Variants in ARHGAP24 observed in about 807,000 individuals in gnomAD.
The protein encoded by ARHGAP24 is Rho GTPase activating protein 24.
ARHGAP24 carries 50 observed loss-of-function variants against 76.4 expected under a neutral mutation model. The ratio of observed to expected loss-of-function variants is 0.65; its 90% CI spans 0.52 to 0.83. The LOEUF is 0.83. ARHGAP24 is among the 40% of genes least tolerant of loss of function. ARHGAP24 has a pLI of 0.00. For synonymous variants in ARHGAP24, 345 were observed against 323.3 expected (o/e 1.07, Z -0.72); for missense variants, 930 against 914.2 (o/e 1.02, Z -0.22).
chr4:85,764,508 T>C (rs2110075085), intron 3 of ARHGAP24, among the ~76,000 whole-genome samples: 1 of 152,316 alleles, frequency 6.6e-6, no homozygotes, highest in East Asian at 1.9e-4. Flanking sequence ...ACAGGTTTGA[T>C]GCAGCTCTTT....
chr4:85,832,456 G>T (rs1023823715), intron 3 of ARHGAP24, among the ~76,000 whole-genome samples: 1 of 152,168 alleles, frequency 6.6e-6, no homozygotes, highest in African/African-American at 2.4e-5. Flanking sequence ...GGCCCACAAG[G>T]CCTCAGATGA....
intron 2 of ARHGAP24, among the ~76,000 whole-genome samples, chr4:85,643,891 G>A (rs2109973330): frequency 6.6e-6 from 1 of 152,254 alleles, no homozygotes; most frequent in South Asian, 2.1e-4. Flanking sequence ...GTAAGTCCAG[G>A]AAAGATTAGC....
rs537018164 is a variant in ARHGAP24 at position 85,535,742 on chromosome 4, A to G, written c.-20-34780A>G. Among the ~76,000 whole-genome samples, 13 of 152,284 alleles carry G rather than the reference A, an allele frequency of 8.5e-5. No individual in the cohort carries two copies. In the South Asian group the frequency reaches 1.0e-3, roughly 12 times the overall value. On this transcript the variant is annotated intron_variant, in intron 1 of 9. Transcript: ENST00000395184. ...GTGGTTTTGTTGTATATAGATGTGT[A>G]TGTATGTCTATGAATATGTCTCCCC...
At chr4:85,649,500 C>T (rs1721853847) in intron 2 of ARHGAP24, among the ~76,000 whole-genome samples, 1 of 152,050 alleles carries the variant, frequency 6.6e-6, no homozygotes, top group Admixed American at 6.6e-5. Flanking sequence ...TCATTAACGG[C>T]TTGATATTCT....
rs1207046244 is a variant in ARHGAP24 at position 86,002,210 on chromosome 4, TTATTTATTTTCAAGAGGGAAAGTGGTCTG to T, written c.*1491_*1519del. On this transcript the variant is annotated 3_prime_UTR_variant, in exon 10 of 10. Coordinates refer to ENST00000395184, the MANE Select transcript of ARHGAP24 (RefSeq NM_001025616.3). The stretch of plus-strand genomic sequence containing the variant: ...TTGAAGGTTCAATGCTTGCATGTGT[TTATTTATTTTCAAGAGGGAAAGTGGTCTG>T]TACTGCTTTCATCCTTGCCACTGTC... The T allele has an allele frequency of 8.6e-5, 13 of 151,804 alleles. No individual in the cohort carries two copies. Among genetic ancestry groups the T allele is most frequent in the Admixed American group, 6.5e-4 (10 of 15,286 alleles). The allele number at this position is 151,804 out of a possible 1,614,324, so 9.4% of individuals were successfully genotyped here. A position where few individuals can be genotyped will look rare whatever the true frequency, so the allele number is the denominator to read the frequency against.
At chr4:85,990,566 T>G (rs529393596) in intron 8 of ARHGAP24, 4 of 151,872 alleles carry the variant, frequency 2.6e-5, no homozygotes, top group Non-Finnish European at 4.4e-5. Flanking sequence ...AAGTGTGCTA[T>G]TGATATAAAG....
intron 4 of ARHGAP24, 91 bp from the exon 5 acceptor site, chr4:85,941,975 T>C: frequency 7.6e-7 from 1 of 1,320,678 alleles, no homozygotes; most frequent in South Asian, 1.3e-5. Flanking sequence ...TTCCAATCTT[T>C]GTTTTTCTGT....
intron 2 of ARHGAP24, among the ~76,000 whole-genome samples, chr4:85,575,111 A>G (rs1210749502): frequency 6.6e-6 from 1 of 152,126 alleles, no homozygotes; most frequent in Non-Finnish European, 1.5e-5. Context: ...CAAACTAAAC[A>G]TCCTCATTAT....
chr4:85,494,220 A>G (rs904307358), intron 1 of ARHGAP24, among the ~76,000 whole-genome samples: 2 of 152,088 alleles, frequency 1.3e-5, no homozygotes, highest in Admixed American at 6.5e-5. Flanking sequence ...ACATACGTAT[A>G]CATGTGCCAT....
At chr4:85,528,137 A>G (rs1387273087) in intron 1 of ARHGAP24, among the ~76,000 whole-genome samples, 1 of 152,074 alleles carries the variant, frequency 6.6e-6, no homozygotes, top group Non-Finnish European at 1.5e-5. Flanking sequence ...CTGAAATAGA[A>G]AGGGAAGAGA....
chr4:85,505,627 C>T (rs1724012457), intron 1 of ARHGAP24, among the ~76,000 whole-genome samples: 1 of 151,972 alleles, frequency 6.6e-6, no homozygotes, highest in African/African-American at 2.4e-5. Context: ...TTTGTCTAAC[C>T]TTCTTTCAAG....
chr4:85,483,036 T>C (rs1456588865), intron 1 of ARHGAP24, among the ~76,000 whole-genome samples: 1 of 152,172 alleles, frequency 6.6e-6, no homozygotes, highest in Non-Finnish European at 1.5e-5. Context: ...CCTCTCCTTA[T>C]ATATGGGCAT....
In ARHGAP24 at chr4:85,666,684, C is replaced by A. The variant is rs1722633122; in HGVS notation, c.181-55201C>A. Among the ~76,000 whole-genome samples the A allele has an allele frequency of 2.6e-5, 4 of 152,218 alleles. No individual in the cohort carries two copies. The South Asian group carries it at 8.3e-4, about 32-fold the overall frequency. Reference sequence around the variant, plus strand: ...ACAGATGGGTTTTTGGTGTGGATGTCCTTTCTGTTTGTTAGTTTTCCTTTT... The same window carrying A: ...ACAGATGGGTTTTTGGTGTGGATGTACTTTCTGTTTGTTAGTTTTCCTTTT... On this transcript the variant is annotated intron_variant, in intron 2 of 9. Transcript: ENST00000395184.
rs1041581572 is a variant in ARHGAP24, at chr4:85,979,398, A to G, written c.928+1707A>G. Among the ~76,000 whole-genome samples the G allele has an allele frequency of 2.6e-5, 4 of 152,270 alleles. No homozygotes were observed. The East Asian group carries it at 7.7e-4, about 29-fold the overall frequency. ...GTTCAGTAGCATTCAGTACTTTCAC[A>G]TAGTCTTGCAGCCATCACCGCCATC... On this transcript the variant is annotated intron_variant, in intron 8 of 9. Coordinates refer to ENST00000395184, the MANE Select transcript of ARHGAP24 (RefSeq NM_001025616.3).
At chr4:85,974,262 G>C (rs1398205095) in intron 6 of ARHGAP24, among the ~76,000 whole-genome samples, 2 of 152,134 alleles carry the variant, frequency 1.3e-5, no homozygotes, top group Non-Finnish European at 2.9e-5. Flanking sequence ...TGCAAGCAGA[G>C]ACCATTTGTC....
chr4:85,570,592 G>A lies in ARHGAP24; in HGVS notation c.51G>A (p.Arg17=). Residue 17 remains arginine, a synonymous_variant, in exon 2 of 10, where the codon CGG becomes CGA. Transcript: ENST00000395184. ...STENPQQGQG[R]QNAIKCGWLR... is the part of the protein sequence containing the mutation. Reference sequence around the variant, plus strand: ...AGAACCCCCAACAAGGCCAAGGGCGGCAGAATGCCATCAAGTGTGGGTGGC... The same window carrying A: ...AGAACCCCCAACAAGGCCAAGGGCGACAGAATGCCATCAAGTGTGGGTGGC... 1 of 1,614,104 alleles carries A rather than the reference G, an allele frequency of 6.2e-7. No homozygotes were observed.
In ARHGAP24 at chr4:85,536,787, T is replaced by C. The variant is rs531106916; in HGVS notation, c.-20-33735T>C. On this transcript the variant is annotated intron_variant, in intron 1 of 9. Coordinates refer to ENST00000395184, the MANE Select transcript of ARHGAP24 (RefSeq NM_001025616.3). The stretch of plus-strand genomic sequence containing the variant: ...TGTCTTTTGCTAAAACTGTTAATGA[T>C]AAATTCTCATTAGGTAAGTTAGGTG... Among the ~76,000 whole-genome samples the C allele has an allele frequency of 3.3e-5, 5 of 152,270 alleles. No individual in the cohort carries two copies. The South Asian group carries it at 1.0e-3, about 32-fold the overall frequency.
intron 2 of ARHGAP24, among the ~76,000 whole-genome samples, chr4:85,659,116 G>A (rs572738607): frequency 6.6e-6 from 1 of 152,158 alleles, no homozygotes; most frequent in African/African-American, 2.4e-5. Context: ...CAGATATCTC[G>A]TGGGTAGAAG....
intron 1 of ARHGAP24, among the ~76,000 whole-genome samples, chr4:85,550,957 A>G (rs190920881): frequency 3.9e-4 from 60 of 152,338 alleles, no homozygotes; most frequent in African/African-American, 1.3e-3. Flanking sequence ...TTATAGGAAT[A>G]GAATCATATC....
Sources: allele counts gnomAD v4.1 joint callset (sites outside exome capture counted in the v4.1 genomes callset), GRCh38; gene constraint gnomAD v4.1.1; transcripts MANE v1.5; gene names NCBI Gene and HGNC (gene_info 2026-07-23, HGNC 2026-07-21).